MCUB: variants seen among roughly 807,000 people sequenced by gnomAD.
MCUB encodes the protein mitochondrial calcium uniporter dominant negative subunit beta.
MCUB carries 46 observed loss-of-function variants against 41.4 expected under a neutral mutation model. The observed-to-expected ratio is 1.11, with a 90% confidence interval of 0.88 to 1.42. The LOEUF is 1.42. Ranked by LOEUF, MCUB falls within the 40% of genes most tolerant of loss-of-function variation. The pLI is 0.00. For synonymous variants in MCUB, 148 were observed against 148.2 expected, an observed-to-expected ratio of 1.00 and a Z score of 0.01; for missense variants, 403 against 404.9, an observed-to-expected ratio of 1.00 and a Z score of 0.04.
In MCUB at chr4:109,610,676, TC is replaced by T. The variant is rs1254977696; in HGVS notation, c.100-48333del. Among the ~76,000 whole-genome samples, 8 of 152,132 alleles carry T rather than the reference TC, an allele frequency of 5.3e-5. No homozygotes were observed. In the East Asian group the frequency reaches 1.5e-3, roughly 29 times the overall value. ...GCAGGGATACATTCTGAGAAGTGCA[TC>T]CTTAGGCGATTTCATCATTATGCGA... On this transcript the variant is annotated intron_variant, in intron 1 of 7. Coordinates refer to ENST00000394650, the MANE Select transcript of MCUB (RefSeq NM_017918.5).
At chr4:109,686,162 C>CA (rs1185587210) in intron 7 of MCUB, among the ~76,000 whole-genome samples, 1 of 152,128 alleles carries the variant, frequency 6.6e-6, no homozygotes, top group African/African-American at 2.4e-5. Flanking sequence ...TTTTTTGAGA[C>CA]AGATTCTTGC....
chr4:109,596,985 C>T (rs548244068), intron 1 of MCUB, among the ~76,000 whole-genome samples: 3 of 151,926 alleles, frequency 2.0e-5, no homozygotes, highest in Non-Finnish European at 4.4e-5. Flanking sequence ...ACATCTTGCA[C>T]CGCCCTTAAT....
chr4:109,638,917 G>A (rs1579077421), intron 1 of MCUB, among the ~76,000 whole-genome samples: 2 of 152,096 alleles, frequency 1.3e-5, no homozygotes, highest in African/African-American at 4.8e-5. Context: ...CCCATCTTTA[G>A]GTTCTACTTT....
intron 1 of MCUB, among the ~76,000 whole-genome samples, chr4:109,590,328 T>C (rs1036900061): frequency 3.3e-5 from 5 of 152,232 alleles, no homozygotes; most frequent in African/African-American, 1.2e-4. Flanking sequence ...TTTCTTTGCT[T>C]ATAGTTTAAA....
At position 109,660,267 on chromosome 4, in the gene MCUB, A is replaced by G; in HGVS notation, c.248A>G (p.Gln83Arg). 2 of 1,602,674 alleles carry G rather than the reference A, an allele frequency of 1.2e-6. No individual in the cohort carries two copies. Among genetic ancestry groups the G allele is most frequent in the African/African-American group, 1.3e-5 (1 of 74,814 alleles). Residue 83 changes from glutamine (Q) to arginine (R), a missense_variant, in exon 3 of 8, where the codon CAA (glutamine) becomes CGA (arginine). Transcript: ENST00000394650. ...LTLPSRKERC[Q>R]FVVKPMLSTV... ...TTGCCATCTAGAAAAGAACGTTGTC[A>G]ATTCGTAGTCAAACCAATGTTGTCA...
chr4:109,677,185 G>A (rs140146998), intron 4 of MCUB, among the ~76,000 whole-genome samples: 3 of 152,342 alleles, frequency 2.0e-5, no homozygotes, highest in Admixed American at 1.3e-4. Context: ...TTGGACTTAC[G>A]TGGGACCAGT....
At chr4:109,569,748 C>G (rs1337704227) in intron 1 of MCUB, among the ~76,000 whole-genome samples, 1 of 151,992 alleles carries the variant, frequency 6.6e-6, no homozygotes. Flanking sequence ...GGTGATTGGC[C>G]TGCCTCGGCC....
At chr4:109,643,082 C>G (rs1156359350) in intron 1 of MCUB, among the ~76,000 whole-genome samples, 1 of 151,438 alleles carries the variant, frequency 6.6e-6, no homozygotes. Flanking sequence ...CGTGAGCCAC[C>G]GCACCCGGCC....
intron 1 of MCUB, among the ~76,000 whole-genome samples, chr4:109,593,152 G>A (rs896388408): frequency 2.0e-5 from 3 of 152,180 alleles, no homozygotes; most frequent in African/African-American, 7.2e-5. Flanking sequence ...TAGCAGGGAT[G>A]GGATGTAGTG....
At chr4:109,631,965 C>T (rs1379532216) in intron 1 of MCUB, among the ~76,000 whole-genome samples, 1 of 152,136 alleles carries the variant, frequency 6.6e-6, no homozygotes, top group Non-Finnish European at 1.5e-5. Flanking sequence ...TGACAAACGG[C>T]AGGCCCCTTT....
At chr4:109,662,772 T>G (rs1158482217) in intron 3 of MCUB, among the ~76,000 whole-genome samples, 6 of 152,220 alleles carry the variant, frequency 3.9e-5, no homozygotes, top group Non-Finnish European at 1.5e-5. Context: ...TACATGTAAA[T>G]TTTTAAATGA....
At chr4:109,600,024 A>C (rs962343452) in intron 1 of MCUB, among the ~76,000 whole-genome samples, 3 of 152,194 alleles carry the variant, frequency 2.0e-5, no homozygotes, top group Non-Finnish European at 4.4e-5. Context: ...TGCTTTCCTA[A>C]TATTGAGGTA....
chr4:109,667,801 C>T (rs763370), intron 4 of MCUB, among the ~76,000 whole-genome samples: 47,748 of 150,566 alleles, frequency 0.32, 7,798 homozygotes, highest in East Asian at 0.51. Context: ...TATAGATTCC[C>T]CTCTGAGCAT....
chr4:109,662,167 C>T (rs1247369200), intron 3 of MCUB, among the ~76,000 whole-genome samples: 3 of 152,202 alleles, frequency 2.0e-5, no homozygotes, highest in African/African-American at 7.2e-5. Context: ...CTGGAAGGGA[C>T]GTTTCTTCCT....
At chr4:109,619,686 A>G in intron 1 of MCUB, among the ~76,000 whole-genome samples, 1 of 152,168 alleles carries the variant, frequency 6.6e-6, no homozygotes, top group East Asian at 1.9e-4. Flanking sequence ...CAGCCTGGTG[A>G]CTGGGTGGGA....
chr4:109,655,014 C>A (rs776807183), intron 1 of MCUB, among the ~76,000 whole-genome samples: 3 of 152,140 alleles, frequency 2.0e-5, no homozygotes, highest in Non-Finnish European at 4.4e-5. Context: ...AAGTCCTGGG[C>A]CTCTCATGTT....
chr4:109,578,087 CAA>C (rs2126126042), intron 1 of MCUB, among the ~76,000 whole-genome samples: 1 of 152,280 alleles, frequency 6.6e-6, no homozygotes, highest in East Asian at 1.9e-4. Flanking sequence ...CAAGGAACTT[CAA>C]AAGAGTTTGG....
At chr4:109,606,600 CAACTT>C (rs1182049976) in intron 1 of MCUB, among the ~76,000 whole-genome samples, 1 of 152,068 alleles carries the variant, frequency 6.6e-6, no homozygotes, top group African/African-American at 2.4e-5. Context: ...AAACTGGTGA[CAACTT>C]AACATTGATT....
intron 1 of MCUB, among the ~76,000 whole-genome samples, chr4:109,579,731 G>A (rs887681566): frequency 4.6e-5 from 7 of 152,232 alleles, no homozygotes; most frequent in African/African-American, 1.7e-4. Context: ...CCTGACCACT[G>A]CCATGTAGAA....
Sources: gnomAD v4.1 joint callset for allele counts (sites outside exome capture counted in the v4.1 genomes callset) on GRCh38, gnomAD v4.1.1 for gene constraint, MANE v1.5 for transcripts, NCBI Gene and HGNC (gene_info 2026-07-23, HGNC 2026-07-21) for gene names.